Variants in FLT1 observed in about 807,000 individuals in gnomAD.
The protein encoded by FLT1 is fms related receptor tyrosine kinase 1, also known as vascular endothelial growth factor receptor 1.
FLT1 carries 49 observed loss-of-function variants against 156.3 expected under a neutral mutation model. The ratio of observed to expected loss-of-function variants is 0.31; its 90% CI spans 0.25 to 0.40. The LOEUF is 0.40. Ranked by LOEUF, FLT1 falls within the 10% of genes least tolerant of loss-of-function variation. FLT1 has a pLI of 1.00. For synonymous variants in FLT1, 594 were observed against 583.8 expected (o/e 1.02, Z -0.25); for missense variants, 1,322 against 1,637.2 (o/e 0.81, Z 3.32).
At position 28,467,592 on chromosome 13, in the gene FLT1, T is replaced by C. The variant is rs746994154; in HGVS notation, c.90A>G (p.Lys30=). The change falls in exon 2 of 30, where the codon AAA becomes AAG. Residue 30 remains lysine, a synonymous_variant. Coordinates refer to ENST00000282397, the MANE Select transcript of FLT1 (RefSeq NM_002019.4). ...LTGSSSGSKL[K]DPELSLKGTQ... Reference sequence around the variant, plus strand: ...TGCCTTTTAAACTCAGTTCAGGATCTTTTAATTTTGAACCTGAACTAGATC... The same window carrying C: ...TGCCTTTTAAACTCAGTTCAGGATCCTTTAATTTTGAACCTGAACTAGATC... 4 of 1,606,678 alleles carry C rather than the reference T, an allele frequency of 2.5e-6. No homozygotes were observed. Among genetic ancestry groups the C allele is most frequent in the Non-Finnish European group, 2.6e-6 (3 of 1,175,184 alleles).
chr13:28,309,390 G>T (rs1341314097), intron 27 of FLT1, among the ~76,000 whole-genome samples: 4 of 151,926 alleles, frequency 2.6e-5, no homozygotes, highest in Non-Finnish European at 4.4e-5. Flanking sequence ...CTTGTATTTT[G>T]TGTGTGTGTG....
At chr13:28,441,202 G>A (rs1878316929) in intron 3 of FLT1, among the ~76,000 whole-genome samples, 1 of 152,196 alleles carries the variant, frequency 6.6e-6, no homozygotes, top group East Asian at 1.9e-4. Flanking sequence ...CCTCAAGTGA[G>A]CACAAACACA....
chr13:28,404,246 G>T lies in FLT1; in HGVS notation c.1551+1534C>A, dbSNP rs144097937. On this transcript the variant is annotated intron_variant, in intron 11 of 29. Coordinates refer to ENST00000282397, the MANE Select transcript of FLT1 (RefSeq NM_002019.4). ...CTATAGTTATAAAAACTTCCTAAGTGTTTAATAAGAGACTATTGGTGTTAT... is the reference window on the plus strand; with the variant it reads ...CTATAGTTATAAAAACTTCCTAAGTTTTTAATAAGAGACTATTGGTGTTAT... Among the ~76,000 whole-genome samples, 747 of 152,250 alleles carry T rather than the reference G, an allele frequency of 4.9e-3. 8 individuals are homozygous for T. The highest frequency in any genetic ancestry group is 0.017 in the African/African-American group (723 of 41,542).
At chr13:28,479,206 G>A (rs1467869786) in intron 1 of FLT1, among the ~76,000 whole-genome samples, 1 of 152,144 alleles carries the variant, frequency 6.6e-6, no homozygotes, top group Admixed American at 6.5e-5. Context: ...GTGCAATAAA[G>A]TTATCCATCA....
intron 1 of FLT1, among the ~76,000 whole-genome samples, chr13:28,489,759 G>T (rs770877894): frequency 6.6e-6 from 1 of 152,096 alleles, no homozygotes; most frequent in Admixed American, 6.6e-5. Context: ...GAGAAGTGGC[G>T]AAAGACAAAG....
chr13:28,317,367 C>T, intron 25 of FLT1, 131 bp downstream of exon 25: 2 of 737,640 alleles, frequency 2.7e-6, no homozygotes, highest in Admixed American at 2.0e-5. Context: ...AGGGGAGCAT[C>T]TCTAAAGGAA....
intron 25 of FLT1, 32 bp downstream of exon 25, chr13:28,317,466 C>T (rs745672294): frequency 2.9e-6 from 4 of 1,374,034 alleles, no homozygotes; most frequent in African/African-American, 2.8e-5. Flanking sequence ...AGCGAGCTGT[C>T]AGATGGGGAG....
chr13:28,469,340 A>G (rs1411017819), intron 1 of FLT1, among the ~76,000 whole-genome samples: 2 of 152,214 alleles, frequency 1.3e-5, no homozygotes, highest in African/African-American at 4.8e-5. Flanking sequence ...TGTGTGTGTC[A>G]AATACCCTGG....
At chr13:28,357,522 A>G (rs1872943631) in intron 15 of FLT1, 32 bp downstream of exon 15, 1 of 1,612,574 alleles carries the variant, frequency 6.2e-7, no homozygotes, top group Non-Finnish European at 8.5e-7. Context: ...TGTCTGACCA[A>G]TTTCTTGTTG....
At chr13:28,361,832 T>G (rs1469776327) in intron 14 of FLT1, among the ~76,000 whole-genome samples, 1 of 152,232 alleles carries the variant, frequency 6.6e-6, no homozygotes, top group Non-Finnish European at 1.5e-5. Flanking sequence ...AAAGGTGAAT[T>G]CAGATTAAGG....
chr13:28,349,064 G>A (rs1371007272), intron 15 of FLT1, among the ~76,000 whole-genome samples: 1 of 152,196 alleles, frequency 6.6e-6, no homozygotes, highest in Non-Finnish European at 1.5e-5. Flanking sequence ...TCACAGTCTG[G>A]TATTCAACTA....
Position 28,444,854 on chromosome 13 carries a change from TTTAC to T in FLT1, c.389-6513_389-6510del, listed in dbSNP as rs199888650. On this transcript the variant is annotated intron_variant, in intron 3 of 29. Transcript: ENST00000282397. ...AGACACAGCATACTAAAATTTAAAA[TTTAC>T]GGGATGAAGCTAAAACAGTGTTTAG... Among the ~76,000 whole-genome samples, 978 of 129,930 alleles carry T rather than the reference TTTAC, an allele frequency of 7.5e-3. 14 individuals carry two copies. The highest frequency in any genetic ancestry group is 0.027 in the African/African-American group (936 of 34,784). The allele number at this position is 129,930 out of a possible 152,430, so 85.2% of individuals were successfully genotyped here.
At chr13:28,308,473 C>A in intron 28 of FLT1, 16 of 327,100 alleles carry the variant, frequency 4.9e-5, no homozygotes, top group Admixed American at 1.2e-4. Flanking sequence ...AGGCTGCTTG[C>A]AGGAACGCGC....
intron 3 of FLT1, among the ~76,000 whole-genome samples, chr13:28,463,680 T>C (rs960712777): frequency 3.3e-5 from 5 of 152,224 alleles, no homozygotes; most frequent in African/African-American, 1.2e-4. Context: ...GTTTTATTAA[T>C]GCCAGAGACA....
In FLT1 at chr13:28,373,489, C is replaced by T. The variant is rs117857243; in HGVS notation, c.2116+11396G>A. 2.1e-3 allele frequency among the ~76,000 whole-genome samples: 324 copies of T among 152,244 alleles called. 2 individuals carry two copies. Among genetic ancestry groups the T allele is most frequent in the Non-Finnish European group, 2.9e-3 (195 of 68,014 alleles). ...ATTGAATTGGGCATAGTGGTGACCC[C>T]AGTTGCATTGCTGTGTATGTGCCAC... On this transcript the variant is annotated intron_variant, in intron 14 of 29. Coordinates refer to ENST00000282397, the MANE Select transcript of FLT1 (RefSeq NM_002019.4).
intron 10 of FLT1, among the ~76,000 whole-genome samples, chr13:28,424,197 C>A (rs1877187835): frequency 6.6e-6 from 1 of 150,866 alleles, no homozygotes; most frequent in African/African-American, 2.5e-5. Flanking sequence ...CCTTGGCCTC[C>A]CAAGGTGTTG....
At chr13:28,462,050 G>T (rs666332) in intron 3 of FLT1, among the ~76,000 whole-genome samples, 18 of 152,168 alleles carry the variant, frequency 1.2e-4, no homozygotes, top group African/African-American at 4.1e-4. Flanking sequence ...CTTTTCGATT[G>T]TAATTTTTCA....
chr13:28,464,695 G>A (rs1879757978), intron 3 of FLT1, among the ~76,000 whole-genome samples: 1 of 152,164 alleles, frequency 6.6e-6, no homozygotes, highest in African/African-American at 2.4e-5. Flanking sequence ...TAGTTGAAAT[G>A]GAACTAATTC....
chr13:28,306,164 T>C (rs976827382), intron 29 of FLT1, among the ~76,000 whole-genome samples: 6 of 152,140 alleles, frequency 3.9e-5, no homozygotes, highest in Non-Finnish European at 7.4e-5. Flanking sequence ...GAGGAGCTGG[T>C]GGACTACAAG....
Sources: gnomAD v4.1 joint callset for allele counts (sites outside exome capture counted in the v4.1 genomes callset) on GRCh38, gnomAD v4.1.1 for gene constraint, MANE v1.5 for transcripts, NCBI Gene and HGNC (gene_info 2026-07-23, HGNC 2026-07-21) for gene names.